The following ATP11C variants were observed in gnomAD, a reference collection of about 807,000 sequenced individuals.
The protein encoded by ATP11C is phospholipid-transporting ATPase IG.
ATP11C carries 36 observed loss-of-function variants against 97.4 expected under a neutral mutation model. The observed-to-expected ratio is 0.37, with a 90% confidence interval of 0.28 to 0.49. The LOEUF is 0.49. ATP11C is among the 20% of genes least tolerant of loss of function. The pLI is 0.98. For synonymous variants in ATP11C, 275 were observed against 290.9 expected, an observed-to-expected ratio of 0.95 and a Z score of 0.56; for missense variants, 730 against 824.6, an observed-to-expected ratio of 0.89 and a Z score of 1.40.
At chrX:139,902,893 T>C (rs867986452) in intron 1 of ATP11C, among the ~76,000 whole-genome samples, 4 of 111,811 alleles carry the variant, frequency 3.6e-5, no homozygotes, top group Middle Eastern at 9.1e-3. Context: ...TAGCTGAAAT[T>C]AAAGAAATGA....
At chrX:139,861,160 C>T (rs190959223) in intron 1 of ATP11C, among the ~76,000 whole-genome samples, 404 of 111,686 alleles carry the variant, frequency 3.6e-3, no homozygotes, top group African/African-American at 0.012. Flanking sequence ...CCAAGTATCC[C>T]AAATTTTTGT....
intron 1 of ATP11C, among the ~76,000 whole-genome samples, chrX:139,832,710 C>A (rs2083676478): frequency 8.9e-6 from 1 of 112,038 alleles, no homozygotes; most frequent in Non-Finnish European, 1.9e-5. Context: ...TACAGTTTCT[C>A]CACCCTAAGA....
chrX:139,861,023 AC>A (rs1186986992), intron 1 of ATP11C, among the ~76,000 whole-genome samples: 1 of 111,399 alleles, frequency 9.0e-6, no homozygotes, highest in Non-Finnish European at 1.9e-5. Context: ...AATGCCCCAG[AC>A]TCTACATTGT....
intron 1 of ATP11C, among the ~76,000 whole-genome samples, chrX:139,929,086 T>C (rs1260074403): frequency 1.8e-5 from 2 of 112,345 alleles, no homozygotes; most frequent in African/African-American, 6.5e-5. Context: ...TAGTCCAGAC[T>C]TCTGATTAAA....
chrX:139,920,716 AAG>A (rs1164108334), intron 1 of ATP11C, among the ~76,000 whole-genome samples: 2 of 112,360 alleles, frequency 1.8e-5, no homozygotes, highest in Non-Finnish European at 3.8e-5. Context: ...AAAAAAGTGA[AAG>A]AGAGAGAGCA....
rs186445186 is a variant in ATP11C, at chrX:139,919,222, G to A, written c.27+12794C>T. ...CACACCACTGCACTCCAGCCGGGGC[G>A]ACAGAGCAAGACTCTGTCTCAAAAA... On this transcript the variant is annotated intron_variant, in intron 1 of 29. Coordinates refer to ENST00000682941, the MANE Select transcript of ATP11C (RefSeq NM_001353812.2). Among the ~76,000 whole-genome samples, 215 of 108,748 alleles carry A rather than the reference G, an allele frequency of 2.0e-3. 1 individual carries two copies. Among genetic ancestry groups the A allele is most frequent in the African/African-American group, 6.6e-3 (195 of 29,741 alleles). The allele number at this position is 108,748 out of a possible 115,157, so 94.4% of individuals were successfully genotyped here.
intron 1 of ATP11C, among the ~76,000 whole-genome samples, chrX:139,855,789 C>A (rs1258824303): frequency 9.0e-6 from 1 of 111,243 alleles, no homozygotes; most frequent in African/African-American, 3.3e-5. Context: ...CCTCCTGACT[C>A]TCCTCAGACT....
intron 1 of ATP11C, among the ~76,000 whole-genome samples, chrX:139,872,155 C>T (rs2084388482): frequency 9.1e-6 from 1 of 110,476 alleles, no homozygotes; most frequent in Admixed American, 9.7e-5. Context: ...AACCATAGTA[C>T]ATTTCAGAAT....
intron 20 of ATP11C, 148 bp downstream of exon 20, chrX:139,768,112 G>A (rs2082174996): frequency 2.7e-6 from 1 of 370,607 alleles, no homozygotes. Flanking sequence ...TTCTGAGTCT[G>A]ATTACAAAAA....
intron 1 of ATP11C, among the ~76,000 whole-genome samples, chrX:139,872,884 A>T (rs1324079754): frequency 1.8e-5 from 2 of 112,006 alleles, no homozygotes; most frequent in African/African-American, 6.5e-5. Context: ...GTGATCACAA[A>T]TGTATTTATT....
At position 139,737,931 on chromosome X, in the gene ATP11C, T is replaced by C; in HGVS notation, c.3273A>G (p.Arg1091=). ...EILLIVLKNV[R]RRSARRNLSC... is the part of the protein sequence containing the mutation. The stretch of plus-strand genomic sequence containing the variant: ...TAGTTCTTACCCTGGCACTTCTTCT[T>C]CTTACATTCTTTAATACTATCAGAA... Residue 1091 remains arginine (R), a synonymous_variant, in exon 28 of 30, where the codon AGA becomes AGG. Transcript: ENST00000682941. 1 of 1,202,660 alleles carries C rather than the reference T, an allele frequency of 8.3e-7. No homozygotes were observed. Among genetic ancestry groups the C allele is most frequent in the Non-Finnish European group, 1.1e-6 (1 of 891,165 alleles).
intron 26 of ATP11C, 39 bp downstream of exon 26, chrX:139,743,514 TATAAAA>T: frequency 1.1e-6 from 1 of 884,054 alleles, no homozygotes; most frequent in Non-Finnish European, 1.6e-6. Context: ...AAGAAAGTAT[TATAAAA>T]ACAGTATTAA....
intron 1 of ATP11C, among the ~76,000 whole-genome samples, chrX:139,869,779 G>C (rs1451908024): frequency 1.1e-5 from 1 of 93,736 alleles, no homozygotes; most frequent in Non-Finnish European, 2.0e-5. Flanking sequence ...GGGCGACAGA[G>C]AAACACTCTG....
chrX:139,785,945 A>G (rs1344748170), intron 15 of ATP11C, among the ~76,000 whole-genome samples: 1 of 111,295 alleles, frequency 9.0e-6, no homozygotes, highest in Non-Finnish European at 1.9e-5. Context: ...GCATGAGAGC[A>G]CATGGCCCAT....
intron 22 of ATP11C, among the ~76,000 whole-genome samples, chrX:139,758,790 C>T (rs976765248): frequency 1.8e-5 from 2 of 111,842 alleles, no homozygotes; most frequent in African/African-American, 6.5e-5. Context: ...AGCCCACTTT[C>T]CAGTCATGCC....
At chrX:139,921,863 A>G (rs1395894769) in intron 1 of ATP11C, among the ~76,000 whole-genome samples, 2 of 110,388 alleles carry the variant, frequency 1.8e-5, no homozygotes, top group Non-Finnish European at 3.8e-5. Flanking sequence ...GTGTCATGAT[A>G]TATTACCCCA....
chrX:139,772,864 G>C (rs2082278976), intron 19 of ATP11C, among the ~76,000 whole-genome samples: 1 of 111,508 alleles, frequency 9.0e-6, no homozygotes, highest in East Asian at 2.8e-4. Context: ...ATGAGACTTT[G>C]GACTGTAGAC....
intron 1 of ATP11C, among the ~76,000 whole-genome samples, chrX:139,868,771 CA>C (rs1469228666): frequency 1.8e-5 from 2 of 108,808 alleles, no homozygotes; most frequent in African/African-American, 3.3e-5. Flanking sequence ...AACATAATAG[CA>C]AAAAACCAAA....
intron 1 of ATP11C, among the ~76,000 whole-genome samples, chrX:139,870,156 T>C (rs899400755): frequency 8.9e-5 from 10 of 111,859 alleles, no homozygotes; most frequent in Non-Finnish European, 1.9e-4. Context: ...GGTGTATGCA[T>C]ATGTACAAAC....
Sources: gnomAD v4.1 joint callset for allele counts (sites outside exome capture counted in the v4.1 genomes callset) on GRCh38, gnomAD v4.1.1 for gene constraint, MANE v1.5 for transcripts, NCBI Gene and HGNC (gene_info 2026-07-23, HGNC 2026-07-21) for gene names.